The following PDE6B variants were observed in gnomAD, a reference collection of about 807,000 sequenced individuals.
PDE6B encodes phosphodiesterase 6B, also known as rod cGMP-specific 3',5'-cyclic phosphodiesterase subunit beta.
A neutral mutation model predicts 109.0 loss-of-function variants in PDE6B; 106 were observed. The observed-to-expected ratio is 0.97, with a 90% confidence interval of 0.83 to 1.14. The LOEUF is 1.14. Among genes scored for constraint, PDE6B ranks in the 50% most tolerant of loss-of-function variants. The probability of loss-of-function intolerance (pLI) is 0.00; values close to 1 mark genes in which losing one functional copy is unlikely to be tolerated. For synonymous variants in PDE6B, 490 were observed against 471.3 expected (o/e 1.04, Z -0.51); for missense variants, 1,193 against 1,155.6 (o/e 1.03, Z -0.47).
In PDE6B at chr4:633,598, C is replaced by T. The variant is rs557838601; in HGVS notation, c.469-1079C>T. Among the ~76,000 whole-genome samples the T allele has an allele frequency of 1.4e-4, 22 of 152,306 alleles. No individual in the cohort carries two copies. The highest frequency in any genetic ancestry group is 3.4e-3 in the Middle Eastern group (1 of 294). ...ATGTGAGGCGCATCCCAGGAGCTCC[C>T]ATTCAGCTGGCGCAGTGGCTGAGGG... On this transcript the variant is annotated intron_variant, in intron 1 of 21. Coordinates refer to ENST00000496514, the MANE Select transcript of PDE6B (RefSeq NM_000283.4). This position sits in a 1 kb window ranked among gnomAD's most constrained non-coding sequence, Gnocchi z 4.5.
intron 7 of PDE6B, 107 bp downstream of exon 7, chr4:656,113 G>A (rs1406665750): frequency 2.2e-5 from 22 of 1,007,148 alleles, no homozygotes; most frequent in Non-Finnish European, 2.9e-5. Context: ...CCAGCTCCAC[G>A]TGCCTCAGTG....
rs1001862522 is a variant in PDE6B, at chr4:662,990, C to G, written c.1833-110C>G. 2.7e-6 allele frequency: 2 copies of G among 740,970 alleles called. No homozygotes were observed. Among genetic ancestry groups the G allele is most frequent in the Admixed American group, 1.9e-5 (1 of 52,702 alleles). The allele number at this position is 740,970 out of a possible 1,614,324, so 45.9% of individuals were successfully genotyped here. On this transcript the variant is annotated intron_variant, in intron 14 of 21. Coordinates refer to ENST00000496514, the MANE Select transcript of PDE6B (RefSeq NM_000283.4). This position sits in a 1 kb window ranked among gnomAD's most constrained non-coding sequence, Gnocchi z 4.3. ...TGCACTCCAGAGTGGGTGACAGAGG[C>G]AGACCCTGTCTCAAAAAAAAGAAAG...
At chr4:649,038 C>G (rs1177854658) in intron 3 of PDE6B, among the ~76,000 whole-genome samples, 1 of 152,142 alleles carries the variant, frequency 6.6e-6, no homozygotes, top group South Asian at 2.1e-4. Context: ...GTTGAGCTGG[C>G]CAACTTCGGA....
chr4:638,380 T>A (rs1197911650), intron 3 of PDE6B, among the ~76,000 whole-genome samples: 2 of 152,172 alleles, frequency 1.3e-5, no homozygotes, highest in African/African-American at 4.8e-5. Context: ...TGGAGTGCAA[T>A]AGTGAAATCT....
At chr4:627,153 T>G (rs1734150190) in intron 1 of PDE6B, among the ~76,000 whole-genome samples, 3 of 151,174 alleles carry the variant, frequency 2.0e-5, no homozygotes, top group African/African-American at 7.3e-5. Flanking sequence ...TTTGTGGGTT[T>G]TTTTTTTTTT....
At chr4:657,830 G>A (rs1437398962) in intron 10 of PDE6B, among the ~76,000 whole-genome samples, 2 of 146,038 alleles carry the variant, frequency 1.4e-5, no homozygotes, top group Non-Finnish European at 3.0e-5. Flanking sequence ...GGCGGGGGCA[G>A]GTCGTCCAGG....
At chr4:667,198 C>T (rs548695762) in intron 20 of PDE6B, among the ~76,000 whole-genome samples, 1 of 152,300 alleles carries the variant, frequency 6.6e-6, no homozygotes, top group Non-Finnish European at 1.5e-5. Flanking sequence ...CCATAAGAGC[C>T]AGCTGCCTCC....
In PDE6B at chr4:667,928, G is replaced by A. The variant is rs1286551313; in HGVS notation, c.2425G>A (p.Ala809Thr). The A allele has an allele frequency of 1.2e-6, 2 of 1,613,498 alleles. No homozygotes were observed. The change falls in exon 21 of 22, where the codon GCG (alanine) becomes ACG (threonine). Residue 809 changes from alanine to threonine, a missense_variant. Ala to Thr is a moderately conservative substitution (Grantham distance 58, BLOSUM62 0). Transcript: ENST00000496514. Reference sequence around the variant, plus strand: ...GCAGAACAATAGGAAAGAGTGGAAGGCGCTGGCTGATGAGTATGAGGCCAA... The same window carrying A: ...GCAGAACAATAGGAAAGAGTGGAAGACGCTGGCTGATGAGTATGAGGCCAA... Reference protein sequence around the residue: ...RLQNNRKEWKALADEYEAKVK... With the variant: ...RLQNNRKEWKTLADEYEAKVK...
rs144562730 is a variant in PDE6B, at chr4:653,934, G to A, written c.794G>A (p.Arg265Gln). Reference protein sequence around the residue: ...RQFHKAFYTVRAYLNCERYSV... With the variant: ...RQFHKAFYTVQAYLNCERYSV... ...TTCCACAAGGCCTTCTACACGGTGC[G>A]GGCCTACCTCAACTGCGAGCGGTAC... The change falls in exon 4 of 22, where the codon CGG becomes CAG. Residue 265 changes from arginine to glutamine, a missense_variant. Physicochemically the swap from Arg to Gln is conservative, Grantham distance 43. Transcript: ENST00000496514. The A allele has an allele frequency of 1.1e-3, 1,706 of 1,613,782 alleles. 5 individuals carry two copies. Among genetic ancestry groups the A allele is most frequent in the Middle Eastern group, 3.0e-3 (18 of 6,062 alleles).
At chr4:642,242 T>C (rs544329042) in intron 3 of PDE6B, among the ~76,000 whole-genome samples, 49 of 149,010 alleles carry the variant, frequency 3.3e-4, no homozygotes, top group African/African-American at 1.2e-3. Flanking sequence ...GAGGCCAAGG[T>C]GGGTGGATCA....
Position 665,026 on chromosome 4 carries a change from C to A in PDE6B, c.2193+82C>A, listed in dbSNP as rs1002567676. 6 of 1,157,558 alleles carry A rather than the reference C, an allele frequency of 5.2e-6. No individual in the cohort carries two copies. Among genetic ancestry groups the A allele is most frequent in the African/African-American group, 3.0e-5 (2 of 65,894 alleles). 71.7% of individuals were successfully genotyped at this position (1,157,558 alleles called of 1,614,324 possible). A position where few individuals can be genotyped will look rare whatever the true frequency, so the allele number is the denominator to read the frequency against. On this transcript the variant is annotated intron_variant, in intron 18 of 21. Transcript: ENST00000496514. This position sits in a 1 kb window ranked among gnomAD's most constrained non-coding sequence, Gnocchi z 4.0. ...CCGGGCGGGCGGGAGCCTCGGATGG[C>A]AACGGACCATTGTTTGCAAGGAGCT...
intron 11 of PDE6B, among the ~76,000 whole-genome samples, chr4:659,518 G>GGT (rs561557135): frequency 1.3e-5 from 2 of 150,618 alleles, no homozygotes; most frequent in East Asian, 1.9e-4. Context: ...TGTGCATGTA[G>GGT]GTGTGTGTGC....
At chr4:651,194 G>A (rs1306789900) in intron 3 of PDE6B, among the ~76,000 whole-genome samples, 68 of 149,640 alleles carry the variant, frequency 4.5e-4, no homozygotes, top group African/African-American at 1.6e-3. Context: ...CGTCACAGGC[G>A]GGGCAGGGGC....
At chr4:653,415 G>A (rs556660374) in intron 3 of PDE6B, 27 of 902,814 alleles carry the variant, frequency 3.0e-5, no homozygotes, top group Non-Finnish European at 3.6e-5. Context: ...CGTGGAGTGC[G>A]TCAGCAATGC....
At chr4:630,345 G>A (rs1734324107) in intron 1 of PDE6B, among the ~76,000 whole-genome samples, 1 of 152,162 alleles carries the variant, frequency 6.6e-6, no homozygotes, top group African/African-American at 2.4e-5. Flanking sequence ...GCTGGAAGCT[G>A]CACCAGCCAG....
intron 1 of PDE6B, among the ~76,000 whole-genome samples, chr4:631,420 C>A (rs1283252972): frequency 1.3e-5 from 2 of 150,858 alleles, no homozygotes; most frequent in Non-Finnish European, 3.0e-5. Flanking sequence ...GTGGCTCCAT[C>A]TAAGAGTCAC....
rs1239661808 is a variant in PDE6B at position 662,594 on chromosome 4, G to A, written c.1808G>A (p.Gly603Asp). The A allele has an allele frequency of 1.2e-6, 2 of 1,610,850 alleles. No individual in the cohort carries two copies. The highest frequency in any genetic ancestry group is 1.7e-6 in the Non-Finnish European group (2 of 1,177,956). Residue 603 changes from glycine (G) to aspartate (D), a missense_variant, in exon 14 of 22, where the codon GGC (glycine) becomes GAC (aspartate). Transcript: ENST00000496514. The surrounding 1 kb of genome is among the most constrained non-coding windows in gnomAD (Gnocchi z 4.3). ...AGLCHDIDHR[G>D]TNNLYQMKSQ... ...CTGTGCCATGACATCGACCACCGCG[G>A]CACCAACAACCTGTACCAGATGAAG...
intron 17 of PDE6B, 59 bp from the exon 18 acceptor site, chr4:664,822 A>G: frequency 7.4e-7 from 1 of 1,350,174 alleles, no homozygotes; most frequent in Non-Finnish European, 1.1e-6. Context: ...GAAAACACAT[A>G]TAAACCACCT....
chr4:650,179 T>C (rs28600205), intron 3 of PDE6B, among the ~76,000 whole-genome samples: 31,962 of 152,134 alleles, frequency 0.21, 4,079 homozygotes, highest in African/African-American at 0.35. Flanking sequence ...GGGACAAGTC[T>C]GGAAAACTCC....
Sources: allele counts gnomAD v4.1 joint callset (sites outside exome capture counted in the v4.1 genomes callset), GRCh38; gene constraint gnomAD v4.1.1; non-coding constraint Gnocchi (gnomAD v3.1); transcripts MANE v1.5; gene names NCBI Gene and HGNC (gene_info 2026-07-23, HGNC 2026-07-21).